The following ZFAND3 variants were observed in gnomAD, a reference collection of about 807,000 sequenced individuals.
The protein encoded by ZFAND3 is zinc finger AN1-type containing 3.
ZFAND3 carries 10 observed loss-of-function variants against 29.6 expected under a neutral mutation model. The observed-to-expected ratio is 0.34, with a 90% CI of 0.21 to 0.57. The LOEUF is 0.57. Ranked by LOEUF, ZFAND3 falls within the 20% of genes least tolerant of loss-of-function variation. ZFAND3 has a pLI of 0.86. For synonymous variants in ZFAND3, 128 were observed against 112.6 expected (o/e 1.14, Z -0.87); for missense variants, 230 against 304.5 (o/e 0.76, Z 1.82).
intron 4 of ZFAND3, among the ~76,000 whole-genome samples, chr6:38,089,112 G>A (rs1159620037): frequency 1.3e-5 from 2 of 151,304 alleles, no homozygotes; most frequent in African/African-American, 4.9e-5. Flanking sequence ...CCCTTTTCTT[G>A]ACTCACTTCT....
At chr6:38,074,480 CAGAA>C (rs1262595250) in intron 3 of ZFAND3, among the ~76,000 whole-genome samples, 21 of 152,162 alleles carry the variant, frequency 1.4e-4, no homozygotes, top group African/African-American at 5.1e-4. Flanking sequence ...GTTCTCAAGA[CAGAA>C]AATACTAGCA....
At chr6:38,150,317 T>C (rs1256269248) in intron 5 of ZFAND3, among the ~76,000 whole-genome samples, 3 of 152,210 alleles carry the variant, frequency 2.0e-5, no homozygotes, top group African/African-American at 7.2e-5. Context: ...GAGTCAAACA[T>C]ACTGCCCTGC....
At chr6:38,000,832 C>G (rs1032624387) in intron 2 of ZFAND3, among the ~76,000 whole-genome samples, 2 of 152,164 alleles carry the variant, frequency 1.3e-5, no homozygotes, top group Non-Finnish European at 2.9e-5. Context: ...ACTTTTTACT[C>G]CTAGAGACAA....
intron 2 of ZFAND3, among the ~76,000 whole-genome samples, chr6:37,944,265 A>G (rs1761861888): frequency 6.6e-6 from 1 of 152,212 alleles, no homozygotes; most frequent in Non-Finnish European, 1.5e-5. Flanking sequence ...AAACGTCCAA[A>G]AACACTATCT....
chr6:38,140,290 A>G (rs1765922765), intron 5 of ZFAND3, among the ~76,000 whole-genome samples: 1 of 152,180 alleles, frequency 6.6e-6, no homozygotes, highest in South Asian at 2.1e-4. Context: ...TGAAGAGTGT[A>G]GGATTAAGAC....
chr6:37,840,477 C>T lies in ZFAND3; in HGVS notation c.71+20461C>T, dbSNP rs376113316. ...CTTCCTTTGTAATAGGTTTTGAAAC[C>T]AGGAATTGTGTGACTTCTACAATTT... On this transcript the variant is annotated intron_variant, in intron 1 of 5. Coordinates refer to ENST00000287218, the MANE Select transcript of ZFAND3 (RefSeq NM_021943.3). Among the ~76,000 whole-genome samples, 21 of 152,348 alleles carry T rather than the reference C, an allele frequency of 1.4e-4. No individual in the cohort carries two copies. In the South Asian group the frequency reaches 4.3e-3, roughly 32 times the overall value.
intron 1 of ZFAND3, among the ~76,000 whole-genome samples, chr6:37,822,260 C>A (rs569728528): frequency 2.0e-5 from 3 of 152,184 alleles, no homozygotes; most frequent in Non-Finnish European, 2.9e-5. Flanking sequence ...TAGATATTTT[C>A]AGTCTGATAC....
intron 5 of ZFAND3, among the ~76,000 whole-genome samples, chr6:38,128,443 A>G (rs1340000200): frequency 6.6e-6 from 1 of 152,180 alleles, no homozygotes; most frequent in Non-Finnish European, 1.5e-5. Context: ...CCCAAGAAGT[A>G]TACACTGCAT....
intron 1 of ZFAND3, among the ~76,000 whole-genome samples, chr6:37,912,931 G>A (rs564817009): frequency 5.2e-4 from 79 of 152,250 alleles, no homozygotes; most frequent in African/African-American, 1.5e-3. Flanking sequence ...TTTGGTTTCC[G>A]AGTACATATA....
chr6:37,829,910 C>G (rs1763829859), intron 1 of ZFAND3, among the ~76,000 whole-genome samples: 1 of 152,150 alleles, frequency 6.6e-6, no homozygotes, highest in Non-Finnish European at 1.5e-5. Context: ...GTACTGCACT[C>G]TTGTATAGTA....
intron 2 of ZFAND3, among the ~76,000 whole-genome samples, chr6:38,041,195 G>C (rs1763753069): frequency 6.6e-6 from 1 of 152,150 alleles, no homozygotes; most frequent in South Asian, 2.1e-4. Flanking sequence ...AAAGTAATGT[G>C]TGTCTGTAGT....
At chr6:37,822,351 G>A (rs1763682388) in intron 1 of ZFAND3, among the ~76,000 whole-genome samples, 1 of 152,150 alleles carries the variant, frequency 6.6e-6, no homozygotes, top group South Asian at 2.1e-4. Context: ...TCTTTTTGGT[G>A]CAATGTTTTA....
intron 5 of ZFAND3, among the ~76,000 whole-genome samples, chr6:38,118,937 A>G (rs1465293279): frequency 6.6e-6 from 1 of 152,100 alleles, no homozygotes; most frequent in African/African-American, 2.4e-5. Flanking sequence ...TCCTTTTTAA[A>G]TGTTCTAACA....
rs745586297 is a variant in ZFAND3, at chr6:37,908,681, A to ATC, written c.72-21274_72-21273dup. Among the ~76,000 whole-genome samples the ATC allele has an allele frequency of 4.0e-5, 6 of 150,420 alleles. No homozygotes were observed. In the South Asian group the frequency reaches 1.0e-3, roughly 26 times the overall value. ...CCTTCCCCACTACCTTGCCCTACAC[A>ATC]TCTCTTCATCTGTATCCTTTGCAAT... On this transcript the variant is annotated intron_variant, in intron 1 of 5. Transcript: ENST00000287218.
intron 3 of ZFAND3, among the ~76,000 whole-genome samples, chr6:38,067,088 C>T (rs1489531075): frequency 6.6e-6 from 1 of 152,180 alleles, no homozygotes; most frequent in Non-Finnish European, 1.5e-5. Context: ...TGCTAAGTAC[C>T]AGGCACTGTT....
At chr6:38,152,177 C>T in intron 5 of ZFAND3, 58 bp from the exon 6 acceptor site, 1 of 1,437,448 alleles carries the variant, frequency 7.0e-7, no homozygotes, top group Non-Finnish European at 9.2e-7. Context: ...TTGTGAGGCT[C>T]TGCGCACTTG....
At chr6:38,129,867 T>A (rs191136336) in intron 5 of ZFAND3, among the ~76,000 whole-genome samples, 3 of 152,170 alleles carry the variant, frequency 2.0e-5, no homozygotes, top group Non-Finnish European at 2.9e-5. Flanking sequence ...ATGTTGGTGG[T>A]ACTTTGATGA....
At chr6:37,829,111 T>A (rs920231188) in intron 1 of ZFAND3, among the ~76,000 whole-genome samples, 1 of 152,202 alleles carries the variant, frequency 6.6e-6, no homozygotes, top group Non-Finnish European at 1.5e-5. Context: ...CCTTTTAATA[T>A]AACTTAAAGG....
chr6:37,987,472 A>ATACC (rs1300343246), intron 2 of ZFAND3, among the ~76,000 whole-genome samples: 1 of 152,216 alleles, frequency 6.6e-6, no homozygotes, highest in East Asian at 1.9e-4. Flanking sequence ...AAAGATGATG[A>ATACC]TACCTATAAT....
Sources: allele counts gnomAD v4.1 joint callset (sites outside exome capture counted in the v4.1 genomes callset), GRCh38; gene constraint gnomAD v4.1.1; transcripts MANE v1.5; gene names NCBI Gene and HGNC (gene_info 2026-07-23, HGNC 2026-07-21).